Variants in PPP2R2B observed in about 807,000 individuals in gnomAD.
PPP2R2B encodes the protein protein phosphatase 2 regulatory subunit Bbeta, also known as serine/threonine-protein phosphatase 2A 55 kDa regulatory subunit B beta isoform.
Under a neutral mutation model 46.0 loss-of-function variants are expected in PPP2R2B, and 5 were observed. The observed-to-expected ratio is 0.11, with a 90% CI of 0.06 to 0.23. The LOEUF is 0.23. Ranked by LOEUF, PPP2R2B falls within the 10% of genes least tolerant of loss-of-function variation. The pLI, the probability that PPP2R2B is intolerant of heterozygous loss-of-function variation, is 1.00. For synonymous variants in PPP2R2B, 215 were observed against 206.7 expected, an observed-to-expected ratio of 1.04 and a Z score of -0.34; for missense variants, 367 against 575.0, an observed-to-expected ratio of 0.64 and a Z score of 3.70.
At chr5:146,832,547 A>G (rs916672493) in intron 2 of PPP2R2B, among the ~76,000 whole-genome samples, 3 of 151,722 alleles carry the variant, frequency 2.0e-5, no homozygotes, top group Non-Finnish European at 4.4e-5. Context: ...GCCTGCCACC[A>G]CACCCAGCTA....
At chr5:146,849,125 T>G (rs2151380218) in intron 2 of PPP2R2B, among the ~76,000 whole-genome samples, 1 of 152,314 alleles carries the variant, frequency 6.6e-6, no homozygotes, top group South Asian at 2.1e-4. Context: ...CAGACATTTC[T>G]TCAAGAATTC....
upstream of PPP2R2B, among the ~76,000 whole-genome samples, chr5:147,057,244 G>A (rs1757117254): frequency 6.6e-6 from 1 of 152,130 alleles, no homozygotes; most frequent in African/African-American, 2.4e-5. Context: ...GGCAGTGTCG[G>A]GCCATTTAGT....
At chr5:146,730,736 G>C (rs1183716165) in intron 2 of PPP2R2B, among the ~76,000 whole-genome samples, 1 of 152,150 alleles carries the variant, frequency 6.6e-6, no homozygotes, top group Non-Finnish European at 1.5e-5. Context: ...ACATGCTTCT[G>C]AGGCCTCCCC....
At chr5:146,746,321 G>T (rs568820492) in intron 2 of PPP2R2B, among the ~76,000 whole-genome samples, 61 of 152,070 alleles carry the variant, frequency 4.0e-4, no homozygotes, top group Non-Finnish European at 8.1e-4. Context: ...TATCACTGGC[G>T]CATGGGATGA....
chr5:146,888,443 C>T (rs1270092902), intron 1 of PPP2R2B, among the ~76,000 whole-genome samples: 1 of 152,102 alleles, frequency 6.6e-6, no homozygotes, highest in African/African-American at 2.4e-5. Flanking sequence ...TACCATGCTC[C>T]AACTATCATC....
chr5:146,953,681 G>T (rs1205120888), intron 1 of PPP2R2B, among the ~76,000 whole-genome samples: 2 of 152,162 alleles, frequency 1.3e-5, no homozygotes, highest in Non-Finnish European at 2.9e-5. Flanking sequence ...CTTAGCCTGT[G>T]TTAAACATTG....
At chr5:146,876,130 A>C (rs1761884701) in intron 2 of PPP2R2B, among the ~76,000 whole-genome samples, 1 of 152,224 alleles carries the variant, frequency 6.6e-6, no homozygotes, top group Non-Finnish European at 1.5e-5. Context: ...GAAATCTGAG[A>C]GGTTGATTCT....
chr5:146,701,842 A>G (rs1779557985), intron 2 of PPP2R2B, among the ~76,000 whole-genome samples: 1 of 152,196 alleles, frequency 6.6e-6, no homozygotes, highest in African/African-American at 2.4e-5. Flanking sequence ...GAAAATGCAC[A>G]GGCACCAGGA....
intron 1 of PPP2R2B, among the ~76,000 whole-genome samples, chr5:147,003,736 T>C (rs1024451996): frequency 2.0e-5 from 3 of 152,112 alleles, no homozygotes; most frequent in Admixed American, 6.5e-5. Flanking sequence ...TTGACCTGTG[T>C]TCTAGAAGGA....
At chr5:146,786,557 A>G (rs1755850084) in intron 2 of PPP2R2B, among the ~76,000 whole-genome samples, 1 of 152,220 alleles carries the variant, frequency 6.6e-6, no homozygotes, top group Non-Finnish European at 1.5e-5. Context: ...TTACTTCCAG[A>G]CAATTTAAGA....
At chr5:146,908,802 C>T (rs1262098424) in intron 1 of PPP2R2B, among the ~76,000 whole-genome samples, 1 of 151,756 alleles carries the variant, frequency 6.6e-6, no homozygotes, top group Non-Finnish European at 1.5e-5. Flanking sequence ...TTCCTCCCTT[C>T]CTCCCTTCCT....
chr5:147,068,265 C>T (rs1039637204), intron 2 of PPP2R2B, among the ~76,000 whole-genome samples: 25 of 152,150 alleles, frequency 1.6e-4, no homozygotes, highest in African/African-American at 5.6e-4. Context: ...GGAGAAACTA[C>T]TACTTTCCCA....
chr5:146,638,128 A>C, intron 7 of PPP2R2B, 123 bp downstream of exon 7: 1 of 943,620 alleles, frequency 1.1e-6, no homozygotes, highest in African/African-American at 1.7e-5. Flanking sequence ...GCTGACTCCC[A>C]CTTGTAGTTT....
At position 146,732,747 on chromosome 5, in the gene PPP2R2B, G is replaced by A. The variant is rs2151208288; in HGVS notation, c.71-31605C>T. Among the ~76,000 whole-genome samples the A allele has an allele frequency of 2.6e-5, 4 of 152,266 alleles. No homozygotes were observed. The South Asian group carries it at 8.3e-4, about 32-fold the overall frequency. On this transcript the variant is annotated intron_variant, in intron 2 of 9. Coordinates refer to ENST00000394411, the MANE Select transcript of PPP2R2B (RefSeq NM_181675.4). Reference sequence around the variant, plus strand: ...ATACTACTAAGTAACAAGTATTTGAGTACTTTGTGTCAAGTGCTCAGCTAC... The same window carrying A: ...ATACTACTAAGTAACAAGTATTTGAATACTTTGTGTCAAGTGCTCAGCTAC...
At chr5:147,066,182 A>T (rs958111550) in intron 2 of PPP2R2B, among the ~76,000 whole-genome samples, 1 of 152,182 alleles carries the variant, frequency 6.6e-6, no homozygotes, top group Non-Finnish European at 1.5e-5. Context: ...CCATTCAATC[A>T]TTTAAACTCT....
At chr5:146,961,880 G>A (rs1265242946) in intron 1 of PPP2R2B, among the ~76,000 whole-genome samples, 1 of 151,884 alleles carries the variant, frequency 6.6e-6, no homozygotes, top group African/African-American at 2.4e-5. Context: ...GTCAAATAAA[G>A]TGGTCTGACT....
Position 146,848,064 on chromosome 5 carries a change from G to A in PPP2R2B, c.70+29938C>T, listed in dbSNP as rs115916693. 9.4e-4 allele frequency among the ~76,000 whole-genome samples: 143 copies of A among 152,218 alleles called. 1 individual carries two copies. Among genetic ancestry groups the A allele is most frequent in the African/African-American group, 3.2e-3 (134 of 41,540 alleles). On this transcript the variant is annotated intron_variant, in intron 2 of 9. Transcript: ENST00000394411. The stretch of plus-strand genomic sequence containing the variant: ...TTTTCCCAATAGCTGTCCATACTCC[G>A]TCATTTTACCTGCGTTACAGTCGCC...
Position 146,655,124 on chromosome 5 carries a change from T to C in PPP2R2B, c.448-4400A>G, listed in dbSNP as rs192356595. ...CAGTGATGTCCCCCGATTCAGGTGCTTCACCCTCCTCTCTGACCCTGGTTG... is the reference window on the plus strand; with the variant it reads ...CAGTGATGTCCCCCGATTCAGGTGCCTCACCCTCCTCTCTGACCCTGGTTG... On this transcript the variant is annotated intron_variant, in intron 5 of 9. Transcript: ENST00000394411. 1.4e-4 allele frequency among the ~76,000 whole-genome samples: 22 copies of C among 152,256 alleles called. No individual in the cohort carries two copies. In the East Asian group the frequency reaches 3.7e-3, roughly 25 times the overall value.
chr5:146,734,825 T>C (rs1752442413), intron 2 of PPP2R2B, among the ~76,000 whole-genome samples: 1 of 152,186 alleles, frequency 6.6e-6, no homozygotes, highest in Admixed American at 6.5e-5. Context: ...ATACTTATGT[T>C]TTGGAATTCT....
Sources: allele counts gnomAD v4.1 joint callset (sites outside exome capture counted in the v4.1 genomes callset), GRCh38; gene constraint gnomAD v4.1.1; transcripts MANE v1.5; gene names NCBI Gene and HGNC (gene_info 2026-07-23, HGNC 2026-07-21).